The following KDM3A variants were observed in gnomAD, a reference collection of about 807,000 sequenced individuals.
The protein encoded by KDM3A is lysine-specific demethylase 3A.
In KDM3A, 60 loss-of-function variants were observed where a neutral mutation model predicts 158.0. The ratio of observed to expected loss-of-function variants is 0.38; its 90% confidence interval spans 0.31 to 0.47. The LOEUF (loss-of-function observed/expected upper bound fraction) is 0.47. Among genes scored for constraint, KDM3A ranks in the 20% least tolerant of loss-of-function variants. KDM3A has a pLI of 0.99. For synonymous variants in KDM3A, 608 were observed against 549.3 expected, an observed-to-expected ratio of 1.11 and a Z score of -1.49; for missense variants, 1,319 against 1,574.3, an observed-to-expected ratio of 0.84 and a Z score of 2.74.
intron 8 of KDM3A, among the ~76,000 whole-genome samples, chr2:86,457,799 A>G (rs995513233): frequency 6.6e-6 from 1 of 152,162 alleles, no homozygotes; most frequent in African/African-American, 2.4e-5. Context: ...TTTCAAGGAA[A>G]GTGATTGGTT....
chr2:86,484,749 T>A, intron 19 of KDM3A, 193 bp from the exon 20 acceptor site: 1 of 508,238 alleles, frequency 2.0e-6, no homozygotes, highest in East Asian at 3.1e-5. Flanking sequence ...ACTGCAGAAA[T>A]AAAATGGTGG....
In KDM3A at chr2:86,478,746, C is replaced by T. The variant is rs1474123290; in HGVS notation, c.2316+11C>T. The T allele has an allele frequency of 1.2e-6, 2 of 1,610,346 alleles. No individual in the cohort carries two copies. The highest frequency in any genetic ancestry group is 3.4e-5 in the Admixed American group (2 of 59,482). On this transcript the variant is annotated intron_variant, in intron 15 of 25. Transcript: ENST00000312912. ...GAAGACCTAAAACAGGTATTTACTGCTTATGTTAAATTCAACATCTCTTGT... is the reference window on the plus strand; with the variant it reads ...GAAGACCTAAAACAGGTATTTACTGTTTATGTTAAATTCAACATCTCTTGT...
At chr2:86,438,562 A>G (rs1031171671), upstream of KDM3A, among the ~76,000 whole-genome samples, 3 of 152,106 alleles carry the variant, frequency 2.0e-5, no homozygotes, top group African/African-American at 7.2e-5. Flanking sequence ...TGATATAGCC[A>G]TTCCACAATG....
intron 10 of KDM3A, 82 bp downstream of exon 10, chr2:86,466,965 A>G (rs979601597): frequency 3.1e-5 from 36 of 1,150,016 alleles, no homozygotes; most frequent in Non-Finnish European, 3.7e-5. Flanking sequence ...ATGAGAAACT[A>G]TGTGAAAATG....
At chr2:86,481,025 G>A (rs895617255) in intron 16 of KDM3A, among the ~76,000 whole-genome samples, 2 of 152,282 alleles carry the variant, frequency 1.3e-5, no homozygotes, top group East Asian at 3.9e-4. Flanking sequence ...GGCCGGAAAA[G>A]AATTCAAGTT....
rs1674509755 is a variant in KDM3A, at chr2:86,492,618, C to T, written c.*499C>T. On this transcript the variant is annotated 3_prime_UTR_variant, in exon 26 of 26. Coordinates refer to ENST00000312912, the MANE Select transcript of KDM3A (RefSeq NM_018433.6). ...GCAGAAATCAACTACTGTACAATTT[C>T]TTGGGGTTAACCATCTTTAGTTAAA... The T allele has an allele frequency of 6.5e-6, 1 of 152,886 alleles. No homozygotes were observed. The highest frequency in any genetic ancestry group is 2.4e-5 in the African/African-American group (1 of 41,464). The allele number at this position is 152,886 out of a possible 1,614,324, so 9.5% of individuals were successfully genotyped here. A position where few individuals can be genotyped will look rare whatever the true frequency, so the allele number is the denominator to read the frequency against.
chr2:86,455,153 T>G lies in KDM3A; in HGVS notation c.522T>G (p.Ile174Met). The G allele has an allele frequency of 6.2e-7, 1 of 1,606,156 alleles. No individual in the cohort carries two copies. The highest frequency in any genetic ancestry group is 8.5e-7 in the Non-Finnish European group (1 of 1,175,644). ...TCAGTAAAGAATTTCAAGCTTTGAT[T>G]GTGAAGCATTTAGATGAAAGCCATC... ...QIVSKEFQAL[I>M]VKHLDESHLL... The change falls in exon 5 of 26, where the codon ATT (isoleucine) becomes ATG (methionine). Residue 174 changes from isoleucine (I) to methionine (M), a missense_variant. Physicochemically the swap from Ile to Met is conservative, Grantham distance 10. This residue lies in a region of KDM3A where 652 missense variants were observed against 627.2 expected (regional missense o/e 1.04). Coordinates refer to ENST00000312912, the MANE Select transcript of KDM3A (RefSeq NM_018433.6).
intron 11 of KDM3A, 75 bp from the exon 12 acceptor site, chr2:86,474,701 T>TGTGTGTGTGTGTGTG: frequency 2.3e-6 from 1 of 427,002 alleles, no homozygotes; most frequent in Non-Finnish European, 4.2e-6. Context: ...TGTAAATAAG[T>TGTGTGTGTGTGTGTG]TGTGTGTGTG....
chr2:86,479,838 G>C, intron 15 of KDM3A: 1 of 207,890 alleles, frequency 4.8e-6, no homozygotes. Flanking sequence ...TGAATTCTGG[G>C]ATGAGTTCAT....
intron 2 of KDM3A, among the ~76,000 whole-genome samples, chr2:86,446,263 C>G (rs974768982): frequency 1.3e-5 from 2 of 152,220 alleles, no homozygotes; most frequent in Non-Finnish European, 2.9e-5. Flanking sequence ...ATAGTTGACT[C>G]TGGCCTTTGA....
chr2:86,467,905 ATTCCTAGCTACTG>A (rs1673229338), intron 10 of KDM3A, among the ~76,000 whole-genome samples: 1 of 152,114 alleles, frequency 6.6e-6, no homozygotes, highest in Non-Finnish European at 1.5e-5. Flanking sequence ...CACACCTGTT[ATTCCTAGCTACTG>A]GAGAAGCTGA....
chr2:86,456,971 T>G lies in KDM3A; in HGVS notation c.755-12T>G. 1 of 1,590,904 alleles carries G rather than the reference T, an allele frequency of 6.3e-7. No individual in the cohort carries two copies. Among genetic ancestry groups the G allele is most frequent in the Non-Finnish European group, 8.6e-7 (1 of 1,163,152 alleles). On this transcript the variant is annotated splice_polypyrimidine_tract_variant and intron_variant, in intron 7 of 25. Transcript: ENST00000312912. ...CAGGGAAGCCAACTTAACCTATTTT[T>G]AAATATTTTAGGTAATTCTGCAAGA... is the stretch of plus-strand genomic sequence containing the variant.
chr2:86,491,072 T>C lies in KDM3A; in HGVS notation c.3750+15T>C, dbSNP rs1231352903. 1.9e-6 allele frequency: 3 copies of C among 1,612,898 alleles called. No homozygotes were observed. The highest frequency in any genetic ancestry group is 1.7e-5 in the Admixed American group (1 of 59,758). ...CTCCACATCAGGCAAGAATCATTAC[T>C]TTTTCTTTAATCTCTTTATGTCATG... On this transcript the variant is annotated intron_variant, in intron 24 of 25. Coordinates refer to ENST00000312912, the MANE Select transcript of KDM3A (RefSeq NM_018433.6).
intron 10 of KDM3A, among the ~76,000 whole-genome samples, chr2:86,469,836 G>A (rs1056134525): frequency 6.6e-6 from 1 of 152,134 alleles, no homozygotes; most frequent in African/African-American, 2.4e-5. Context: ...ACTAAGTCAG[G>A]CCTCTGCAGA....
At chr2:86,444,350 T>TG (rs1465969784) in intron 2 of KDM3A, among the ~76,000 whole-genome samples, 1 of 152,212 alleles carries the variant, frequency 6.6e-6, no homozygotes, top group Non-Finnish European at 1.5e-5. Context: ...TTGCCTTACT[T>TG]GTACACATCA....
chr2:86,445,422 TG>T (rs1160417306), intron 2 of KDM3A, among the ~76,000 whole-genome samples: 3 of 152,228 alleles, frequency 2.0e-5, no homozygotes, highest in African/African-American at 7.2e-5. Context: ...TAGCTGATTT[TG>T]TTCACATAAT....
chr2:86,489,894 G>C (rs1573216218), intron 23 of KDM3A: 1 of 404,246 alleles, frequency 2.5e-6, no homozygotes, highest in Non-Finnish European at 4.4e-6. Context: ...TTTTGTGTTA[G>C]AGTGCATTTA....
intron 23 of KDM3A, 144 bp downstream of exon 23, chr2:86,489,803 A>C (rs1674369908): frequency 1.3e-6 from 1 of 799,874 alleles, no homozygotes; most frequent in South Asian, 2.5e-5. Flanking sequence ...AATAGGCTGA[A>C]GGTGGTTGCT....
At position 86,474,905 on chromosome 2, in the gene KDM3A, A is replaced by T; in HGVS notation, c.1854A>T (p.Ala618=). Reference sequence around the variant, plus strand: ...TTGTGGGGATTGATTTGGACACAGCAAAGTACATCTTGGCCAACATTGGAG... The same window carrying T: ...TTGTGGGGATTGATTTGGACACAGCTAAGTACATCTTGGCCAACATTGGAG... The part of the protein sequence containing the change: ...KNVVGIDLDT[A]KYILANIGDH... Residue 618 remains alanine (A), a synonymous_variant, in exon 12 of 26, where the codon GCA becomes GCT. Coordinates refer to ENST00000312912, the MANE Select transcript of KDM3A (RefSeq NM_018433.6). 6.2e-7 allele frequency: 1 copy of T among 1,614,136 alleles called. No homozygotes were observed. The highest frequency in any genetic ancestry group is 2.2e-5 in the East Asian group (1 of 44,866).
Sources: allele counts gnomAD v4.1 joint callset (sites outside exome capture counted in the v4.1 genomes callset), GRCh38; gene constraint gnomAD v4.1.1; regional missense constraint gnomAD v4.1.1; transcripts MANE v1.5; gene names NCBI Gene and HGNC (gene_info 2026-07-23, HGNC 2026-07-21).